Variants in SFI1 observed in about 807,000 individuals in gnomAD.
The protein encoded by SFI1 is SFI1 centrin binding protein, also known as protein SFI1 homolog.
A neutral mutation model predicts 207.5 loss-of-function variants in SFI1; 195 were observed. That is an observed-to-expected ratio of 0.94 (90% CI 0.84 to 1.06). The LOEUF is 1.06. SFI1 is among the 50% of genes least tolerant of loss of function. The pLI is 0.00. For synonymous variants in SFI1, 630 were observed against 598.9 expected (o/e 1.05, Z -0.76); for missense variants, 1,634 against 1,588.0 (o/e 1.03, Z -0.49).
chr22:31,553,836 ATGTTTTTTTTT>A (rs2060877566), intron 6 of SFI1, among the ~76,000 whole-genome samples: 1 of 21,954 alleles, frequency 4.6e-5, no homozygotes, highest in African/African-American at 1.4e-4. Context: ...TTAATGGATT[ATGTTTTTTTTT>A]TTTTTTTTTT....
At chr22:31,520,700 T>A (rs568186458) in intron 2 of SFI1, among the ~76,000 whole-genome samples, 83 of 152,044 alleles carry the variant, frequency 5.5e-4, no homozygotes, top group South Asian at 3.9e-3. Context: ...TCAATCAAAA[T>A]CCACTACTTC....
At chr22:31,544,038 A>G (rs2059850315) in intron 4 of SFI1, among the ~76,000 whole-genome samples, 1 of 152,024 alleles carries the variant, frequency 6.6e-6, no homozygotes, top group Non-Finnish European at 1.5e-5. Context: ...AAATACAAAA[A>G]ATTAGCTCGT....
chr22:31,540,999 T>C (rs2059428493), intron 4 of SFI1, among the ~76,000 whole-genome samples: 2 of 152,118 alleles, frequency 1.3e-5, no homozygotes, highest in Admixed American at 6.6e-5. Context: ...GGAGTCCAGT[T>C]CTCCTCTGGC....
intron 2 of SFI1, among the ~76,000 whole-genome samples, chr22:31,517,086 A>G (rs1243208398): frequency 2.0e-5 from 3 of 151,988 alleles, no homozygotes; most frequent in African/African-American, 4.8e-5. Flanking sequence ...GTGAGCCGAG[A>G]TGGTGCCACT....
At position 31,504,588 on chromosome 22, in the gene SFI1, C is replaced by T. The variant is rs2054331224; in HGVS notation, c.-30-3667C>T. ...TACTTGTATTAGTTTCCTAGGGCTG[C>T]TGTAACAAAGTACCACAAACCGGGT... On this transcript the variant is annotated intron_variant, in intron 1 of 32. Coordinates refer to ENST00000400288, the MANE Select transcript of SFI1 (RefSeq NM_001007467.3). Among the ~76,000 whole-genome samples the T allele has an allele frequency of 3.9e-5, 6 of 152,134 alleles. No individual in the cohort carries two copies. The South Asian group carries it at 1.2e-3, about 32-fold the overall frequency.
chr22:31,514,140 C>CAAA (rs113946302), intron 2 of SFI1, among the ~76,000 whole-genome samples: 3 of 82,698 alleles, frequency 3.6e-5, no homozygotes, highest in African/African-American at 8.0e-5. Context: ...AACTCCATCT[C>CAAA]AAAAAAAAAA....
intron 6 of SFI1, among the ~76,000 whole-genome samples, chr22:31,553,395 G>T (rs2060802483): frequency 6.6e-6 from 1 of 151,258 alleles, no homozygotes; most frequent in Admixed American, 6.6e-5. Flanking sequence ...TCTCACTCTT[G>T]CCCAGGCTGG....
At chr22:31,594,016 G>GC (rs1233744961) in intron 15 of SFI1, among the ~76,000 whole-genome samples, 1,661 of 147,050 alleles carry the variant, frequency 0.011, 29 homozygotes, top group African/African-American at 0.016. Flanking sequence ...CAGGGAGAGG[G>GC]AGAGGGAGAG....
At chr22:31,592,822 T>C (rs1461943356) in intron 15 of SFI1, among the ~76,000 whole-genome samples, 1 of 113,156 alleles carries the variant, frequency 8.8e-6, no homozygotes, top group Non-Finnish European at 1.8e-5. Flanking sequence ...CCCCCCCACC[T>C]CCCTCCCGGA....
At chr22:31,613,945 G>A in intron 27 of SFI1, 90 bp downstream of exon 27, 10 of 1,436,350 alleles carry the variant, frequency 7.0e-6, no homozygotes, top group Non-Finnish European at 9.2e-6. Flanking sequence ...CTGACGGGAT[G>A]GGACGGGCTG....
intron 15 of SFI1, among the ~76,000 whole-genome samples, chr22:31,599,721 C>T (rs1468130905): frequency 1.3e-5 from 2 of 152,128 alleles, no homozygotes; most frequent in South Asian, 2.1e-4. Flanking sequence ...AGTGATCCTC[C>T]TGCCATGGCC....
Position 31,614,843 on chromosome 22 carries a change from G to T in SFI1, c.3051G>T (p.Glu1017Asp). The stretch of plus-strand genomic sequence containing the variant: ...CGCGACGCCCACACTTCCTGTTGGA[G>T]CCTGCGCAGAGCCAGAGGTCCCTGG... The part of the protein sequence containing the change: ...KQPRRPHFLL[E>D]PAQSQRPQKP... The change falls in exon 28 of 33, where the codon GAG (glutamate) becomes GAT (aspartate). Residue 1017 changes from glutamate (E) to aspartate (D), a missense_variant. By Grantham distance (45) the Glu-to-Asp change is conservative (BLOSUM62 2). Coordinates refer to ENST00000400288, the MANE Select transcript of SFI1 (RefSeq NM_001007467.3). The T allele has an allele frequency of 6.2e-7, 1 of 1,613,852 alleles. No homozygotes were observed.
intron 10 of SFI1, among the ~76,000 whole-genome samples, chr22:31,577,167 A>G (rs1318135348): frequency 2.0e-5 from 3 of 152,350 alleles, no homozygotes; most frequent in Middle Eastern, 3.4e-3. Context: ...GATAATTCCT[A>G]TCATAAAGAT....
At chr22:31,508,525 T>A in intron 2 of SFI1, 149 bp downstream of exon 2, 1 of 600,054 alleles carries the variant, frequency 1.7e-6, no homozygotes, top group Non-Finnish European at 2.9e-6. Flanking sequence ...ATTTTTCATC[T>A]ATAAGATAAT....
intron 1 of SFI1, among the ~76,000 whole-genome samples, chr22:31,497,804 C>T (rs2052973453): frequency 6.6e-6 from 1 of 152,182 alleles, no homozygotes; most frequent in South Asian, 2.1e-4. Flanking sequence ...TTTAAGCCTA[C>T]TATCGAGACC....
In SFI1 at chr22:31,615,222, GC is replaced by G. The variant is rs1300585763; in HGVS notation, c.3244del (p.Leu1082CysfsTer105). 1 of 1,544,466 alleles carries G rather than the reference GC, an allele frequency of 6.5e-7. No homozygotes were observed. The highest frequency in any genetic ancestry group is 8.7e-7 in the Non-Finnish European group (1 of 1,153,126). ...CCCCGACGGCAAGCACAGGCCCGGA[GC>G]TGCTGCTGCTGCCTCTTTCCTCCTT... ...QPPTASTGPE[L>X]LLLPLSSFMP... On this transcript the variant is annotated frameshift_variant, in exon 29 of 33. Transcript: ENST00000400288. LOFTEE classifies it high-confidence loss of function.
intron 4 of SFI1, among the ~76,000 whole-genome samples, chr22:31,538,065 G>A (rs1181570700): frequency 6.6e-6 from 1 of 152,110 alleles, no homozygotes; most frequent in Non-Finnish European, 1.5e-5. Context: ...TTCGCTTCCC[G>A]GGTTCAAGCA....
chr22:31,499,133 G>A (rs1293415411), intron 1 of SFI1, among the ~76,000 whole-genome samples: 1 of 151,942 alleles, frequency 6.6e-6, no homozygotes, highest in Non-Finnish European at 1.5e-5. Context: ...TTAGCCTCCT[G>A]CCTCCTCAGT....
chr22:31,613,255 C>T (rs2070709664), intron 25 of SFI1, 39 bp downstream of exon 25: 1 of 1,612,820 alleles, frequency 6.2e-7, no homozygotes. Flanking sequence ...CTGCCTCTCC[C>T]TCAGGCCTTA....
Sources: gnomAD v4.1 joint callset for allele counts (sites outside exome capture counted in the v4.1 genomes callset) on GRCh38, gnomAD v4.1.1 for gene constraint, MANE v1.5 for transcripts, NCBI Gene and HGNC (gene_info 2026-07-23, HGNC 2026-07-21) for gene names.